The following DMD variants were observed in gnomAD, a reference collection of about 807,000 sequenced individuals.
DMD encodes mutant dystrophin.
DMD carries 63 observed loss-of-function variants against 330.1 expected under a neutral mutation model. The ratio of observed to expected loss-of-function variants is 0.19; its 90% confidence interval spans 0.16 to 0.24. The LOEUF (loss-of-function observed/expected upper bound fraction) is 0.24. Among genes scored for constraint, DMD ranks in the 10% least tolerant of loss-of-function variants. DMD has a pLI of 1.00. For missense variants in DMD, 3,344 were observed against 2,684.1 expected (o/e 1.25, Z -5.43); for synonymous variants, 1,223 against 959.8 (o/e 1.27, Z -5.07).
chrX:32,639,919 G>T (rs1406072674), intron 11 of DMD, among the ~76,000 whole-genome samples: 1 of 110,467 alleles, frequency 9.1e-6, no homozygotes, highest in African/African-American at 3.3e-5. Flanking sequence ...ATCTATGAGG[G>T]TCAGGTTTGG....
At chrX:31,786,486 A>G (rs2091305688) in intron 50 of DMD, among the ~76,000 whole-genome samples, 1 of 111,230 alleles carries the variant, frequency 9.0e-6, no homozygotes, top group African/African-American at 3.3e-5. Context: ...GGCCCAGTGG[A>G]AAATAATCGA....
chrX:32,813,751 A>C (rs1297592701), intron 6 of DMD, among the ~76,000 whole-genome samples: 1 of 111,435 alleles, frequency 9.0e-6, no homozygotes, highest in Admixed American at 9.6e-5. Flanking sequence ...AAGAGGCGAG[A>C]GTAAGAATGT....
At chrX:32,349,235 A>G (rs1256149270) in intron 37 of DMD, among the ~76,000 whole-genome samples, 1 of 111,673 alleles carries the variant, frequency 9.0e-6, no homozygotes, top group Non-Finnish European at 1.9e-5. Context: ...AAAACCCTTG[A>G]AAAGGAGTGA....
chrX:32,748,831 G>A (rs999698658), intron 7 of DMD, among the ~76,000 whole-genome samples: 2 of 112,375 alleles, frequency 1.8e-5, no homozygotes, highest in Non-Finnish European at 3.8e-5. Flanking sequence ...TCATTGCAGA[G>A]AACCAGGCAG....
chrX:32,400,497 CT>C (rs769195120), intron 30 of DMD, among the ~76,000 whole-genome samples: 1,858 of 111,292 alleles, frequency 0.017, 46 homozygotes, highest in African/African-American at 0.059. Context: ...AGGATTCCCT[CT>C]TTTTCTATGG....
At chrX:32,610,074 G>A (rs1225026152) in intron 12 of DMD, among the ~76,000 whole-genome samples, 1 of 111,182 alleles carries the variant, frequency 9.0e-6, no homozygotes, top group Non-Finnish European at 1.9e-5. Flanking sequence ...CCACTCCTTC[G>A]AGGGAAATCC....
chrX:31,705,470 A>T (rs1004770111), intron 52 of DMD, among the ~76,000 whole-genome samples: 7 of 112,882 alleles, frequency 6.2e-5, no homozygotes, highest in African/African-American at 2.3e-4. Context: ...TGCAGGAAAA[A>T]GATGAAACTA....
At chrX:33,110,525 A>G (rs1261426782) in intron 1 of DMD, among the ~76,000 whole-genome samples, 1 of 111,734 alleles carries the variant, frequency 8.9e-6, no homozygotes, top group African/African-American at 3.3e-5. Flanking sequence ...ATATTAACAT[A>G]TGATTTTTCA....
chrX:33,067,919 C>T (rs1421624002), intron 1 of DMD, among the ~76,000 whole-genome samples: 1 of 111,406 alleles, frequency 9.0e-6, no homozygotes, highest in Non-Finnish European at 1.9e-5. Context: ...TGGTTGATTC[C>T]ATAATACTGA....
At chrX:31,514,267 A>G (rs1230307669) in intron 55 of DMD, among the ~76,000 whole-genome samples, 1 of 112,154 alleles carries the variant, frequency 8.9e-6, no homozygotes, top group Non-Finnish European at 1.9e-5. Flanking sequence ...CATTTGGCCT[A>G]AAGTTCTGTA....
intron 57 of DMD, among the ~76,000 whole-genome samples, chrX:31,495,015 G>A (rs2069693730): frequency 9.0e-6 from 1 of 111,591 alleles, no homozygotes; most frequent in African/African-American, 3.3e-5. Context: ...GAGTGTTTTG[G>A]CTGTTTATTC....
At chrX:32,584,427 ATACC>A (rs1424032294) in intron 13 of DMD, among the ~76,000 whole-genome samples, 1 of 112,011 alleles carries the variant, frequency 8.9e-6, no homozygotes, top group East Asian at 2.8e-4. Flanking sequence ...TCTTAGGTAA[ATACC>A]TAATACAAAA....
At chrX:32,323,536 G>T (rs1048033968) in intron 41 of DMD, among the ~76,000 whole-genome samples, 3 of 102,578 alleles carry the variant, frequency 2.9e-5, no homozygotes, top group African/African-American at 1.2e-4. Flanking sequence ...TCTTTTTAAA[G>T]GATTTTGCCT....
chrX:31,881,835 T>C (rs1264181174), intron 47 of DMD, among the ~76,000 whole-genome samples: 1 of 112,057 alleles, frequency 8.9e-6, no homozygotes, highest in Non-Finnish European at 1.9e-5. Context: ...TGACACATTT[T>C]TCAGAACATA....
chrX:32,046,871 C>T (rs937905627), intron 44 of DMD, among the ~76,000 whole-genome samples: 6 of 111,746 alleles, frequency 5.4e-5, no homozygotes, highest in African/African-American at 1.6e-4. Context: ...TTTGGTTTCA[C>T]ATTAAATCTA....
chrX:32,699,857 T>G (rs925347382), intron 7 of DMD, among the ~76,000 whole-genome samples: 8 of 111,914 alleles, frequency 7.1e-5, no homozygotes, highest in Non-Finnish European at 1.5e-4. Context: ...TGATTTTTAC[T>G]ATTCCGTGTA....
intron 62 of DMD, among the ~76,000 whole-genome samples, chrX:31,295,230 T>C (rs1284520689): frequency 1.7e-4 from 19 of 110,246 alleles, no homozygotes; most frequent in East Asian, 2.8e-4. Flanking sequence ...CTCCCGACCT[T>C]GTGATCCGCC....
chrX:32,976,664 C>A (rs1235373669), intron 2 of DMD, among the ~76,000 whole-genome samples: 2 of 111,655 alleles, frequency 1.8e-5, no homozygotes, highest in Non-Finnish European at 3.8e-5. Flanking sequence ...TACCACTCAC[C>A]TGCATACGTC....
intron 61 of DMD, among the ~76,000 whole-genome samples, chrX:31,333,592 G>C (rs1019573652): frequency 2.5e-4 from 27 of 109,444 alleles, no homozygotes; most frequent in African/African-American, 9.0e-4. Flanking sequence ...AGCTGGTCTA[G>C]GTCGAATTCT....
Sources: allele counts gnomAD v4.1 joint callset (sites outside exome capture counted in the v4.1 genomes callset), GRCh38; gene constraint gnomAD v4.1.1; transcripts MANE v1.5; gene names NCBI Gene and HGNC (gene_info 2026-07-23, HGNC 2026-07-21).